The following TSPOAP1 variants were observed in gnomAD, a reference collection of about 807,000 sequenced individuals.
The protein encoded by TSPOAP1 is TSPO associated protein 1.
In TSPOAP1, 87 loss-of-function variants were observed where a neutral mutation model predicts 197.0. The observed-to-expected ratio is 0.44, with a 90% CI of 0.37 to 0.53. The LOEUF (loss-of-function observed/expected upper bound fraction) is 0.53. TSPOAP1 is among the 20% of genes least tolerant of loss of function. TSPOAP1 has a pLI of 0.00. For missense variants in TSPOAP1, 2,174 were observed against 2,411.3 expected, an observed-to-expected ratio of 0.90 and a Z score of 2.06; for synonymous variants, 913 against 998.9, an observed-to-expected ratio of 0.91 and a Z score of 1.62.
chr17:58,325,367 C>G, intron 4 of TSPOAP1, 167 bp downstream of exon 4: 2 of 840,020 alleles, frequency 2.4e-6, no homozygotes, highest in South Asian at 3.4e-5. Context: ...CATGGCTCCA[C>G]CCCCTTCTCC....
Position 58,320,118 on chromosome 17 carries a change from A to T in TSPOAP1, c.1485T>A (p.Asp495Glu). The change falls in exon 12 of 32, where the codon GAT (aspartate) becomes GAA (glutamate). Residue 495 changes from aspartate to glutamate, a missense_variant. By Grantham distance (45) the Asp-to-Glu change is conservative. Around this residue, in one of 5 missense-constraint regions of TSPOAP1, gnomAD observed 1,933 missense variants for 2,139.0 expected, o/e 0.90. Transcript: ENST00000343736. ...GAGAACGAGGCGCTACCTGCATGGAATCCAAGGTAGACTGTTGCAGGAAAG... is the reference window on the plus strand; with the variant it reads ...GAGAACGAGGCGCTACCTGCATGGATTCCAAGGTAGACTGTTGCAGGAAAG... ...GAVQLLESTLDSMQARVRELE... is the reference protein window; with the variant it reads ...GAVQLLESTLESMQARVRELE... The T allele has an allele frequency of 6.2e-7, 1 of 1,614,156 alleles. No individual in the cohort carries two copies. The highest frequency in any genetic ancestry group is 1.1e-5 in the South Asian group (1 of 91,082).
chr17:58,311,230 G>A lies in TSPOAP1; in HGVS notation c.3082-17C>T, dbSNP rs528345726. 9 of 1,607,612 alleles carry A rather than the reference G, an allele frequency of 5.6e-6. No individual in the cohort carries two copies. Among genetic ancestry groups the A allele is most frequent in the Middle Eastern group, 3.4e-4 (2 of 5,822 alleles). On this transcript the variant is annotated splice_polypyrimidine_tract_variant and intron_variant, in intron 18 of 31. Transcript: ENST00000343736. Reference sequence around the variant, plus strand: ...CTCCATGATCTGCAGGGTGGAGGGGGCACAGGATGGGAAGCAGAGGCTGAG... The same window carrying A: ...CTCCATGATCTGCAGGGTGGAGGGGACACAGGATGGGAAGCAGAGGCTGAG...
At position 58,318,368 on chromosome 17, in the gene TSPOAP1, C is replaced by T. The variant is rs1487979284; in HGVS notation, c.1784G>A (p.Arg595Gln). 5.0e-6 allele frequency: 8 copies of T among 1,614,120 alleles called. No homozygotes were observed. Among genetic ancestry groups the T allele is most frequent in the East Asian group, 4.5e-5 (2 of 44,872 alleles). ...PAPATLTGVP[R>Q]RTAKKAESLS... ...AGACTCTGCCTTCTTGGCTGTCCTT[C>T]GAGGGACCCCAGTGAGAGTGGCAGG... Residue 595 changes from arginine (R) to glutamine (Q), a missense_variant, in exon 14 of 32, where the codon CGA becomes CAA. Coordinates refer to ENST00000343736, the MANE Select transcript of TSPOAP1 (RefSeq NM_004758.4).
At chr17:58,305,729 C>G (rs905277007) in intron 27 of TSPOAP1, 86 bp from the exon 28 acceptor site, 2 of 1,491,266 alleles carry the variant, frequency 1.3e-6, no homozygotes, top group African/African-American at 2.7e-5. Flanking sequence ...CTGCTGACCC[C>G]CTGTCACCAC....
In TSPOAP1 at chr17:58,322,282, G is replaced by A; in HGVS notation, c.1422+26C>T. On this transcript the variant is annotated intron_variant, in intron 10 of 31. Transcript: ENST00000343736. The surrounding 1 kb of genome is among the most constrained non-coding windows in gnomAD (Gnocchi z 5.0). ...TGGCAAAGCTGGTGTCCAGCAGCCT[G>A]CCAGCTTCCCTCACTGCCGCCCCAC... The A allele has an allele frequency of 6.3e-7, 1 of 1,592,774 alleles. No homozygotes were observed. The highest frequency in any genetic ancestry group is 2.2e-5 in the East Asian group (1 of 44,812).
At chr17:58,315,093 A>G (rs1046562150) in intron 16 of TSPOAP1, among the ~76,000 whole-genome samples, 1 of 152,092 alleles carries the variant, frequency 6.6e-6, no homozygotes, top group Non-Finnish European at 1.5e-5. Context: ...CTTCATTTAT[A>G]AAGTATTATT....
At position 58,303,084 on chromosome 17, in the gene TSPOAP1, A is replaced by T. The variant is rs146157087; in HGVS notation, c.*33-637T>A. 6 of 152,464 alleles carry T rather than the reference A, an allele frequency of 3.9e-5. No individual in the cohort carries two copies. In the East Asian group the frequency reaches 1.2e-3, roughly 29 times the overall value. The allele number at this position is 152,464 out of a possible 1,614,324, so 9.4% of individuals were successfully genotyped here. A position where few individuals can be genotyped will look rare whatever the true frequency, so the allele number is the denominator to read the frequency against. ...GGGGGCATCACTCAGCCCCCACCAC[A>T]GGCTCTGGAGGCTCTAGCATCTTTT... On this transcript the variant is annotated intron_variant, in intron 31 of 31. Coordinates refer to ENST00000343736, the MANE Select transcript of TSPOAP1 (RefSeq NM_004758.4).
chr17:58,323,532 T>C lies in TSPOAP1; in HGVS notation c.956A>G (p.Glu319Gly), dbSNP rs146661221. The change falls in exon 6 of 32, where the codon GAG becomes GGG. Residue 319 changes from glutamate (E) to glycine (G), a missense_variant. By Grantham distance (98) the Glu-to-Gly change is moderately conservative (BLOSUM62 -2). Around this residue, in one of 5 missense-constraint regions of TSPOAP1, gnomAD observed 1,933 missense variants for 2,139.0 expected, o/e 0.90. Coordinates refer to ENST00000343736, the MANE Select transcript of TSPOAP1 (RefSeq NM_004758.4). Reference protein sequence around the residue: ...PGAPGEATPQEDADNLPVILG... With the variant: ...PGAPGEATPQGDADNLPVILG... Reference sequence around the variant, plus strand: ...AATCACGGGTAGGTTGTCCGCATCCTCCTGGGGCGTGGCCTGGAAATGCCC... The same window carrying C: ...AATCACGGGTAGGTTGTCCGCATCCCCCTGGGGCGTGGCCTGGAAATGCCC... 2.5e-6 allele frequency: 4 copies of C among 1,613,896 alleles called. No homozygotes were observed. The African/African-American group carries it at 5.3e-5, about 22-fold the overall frequency.
At chr17:58,314,829 C>G (rs568009186) in intron 16 of TSPOAP1, among the ~76,000 whole-genome samples, 2 of 152,352 alleles carry the variant, frequency 1.3e-5, no homozygotes, top group South Asian at 4.1e-4. Flanking sequence ...CGGAGTCAGG[C>G]ACATGCTCCA....
chr17:58,316,633 C>T (rs1971245365), intron 14 of TSPOAP1, 93 bp from the exon 15 acceptor site: 1 of 969,744 alleles, frequency 1.0e-6, no homozygotes, highest in Admixed American at 2.6e-5. Flanking sequence ...GGACCTATTG[C>T]TTTAAGGAGG....
rs760340215 is a variant in TSPOAP1, at chr17:58,310,057, CTCCTCT to C, written c.3795_3800del (p.Glu1273_Glu1274del). On this transcript the variant is annotated inframe_deletion, in exon 21 of 32. Coordinates refer to ENST00000343736, the MANE Select transcript of TSPOAP1 (RefSeq NM_004758.4). Reference sequence around the variant, plus strand: ...CCAGCTCCTCTTCCTCCTCCTCCTCCTCCTCTTCCTCTTCCTCCTGGATGTCTGACA... The same window carrying C: ...CCAGCTCCTCTTCCTCCTCCTCCTCCTCCTCTTCCTCCTGGATGTCTGACA... 6 of 1,613,540 alleles carry C rather than the reference CTCCTCT, an allele frequency of 3.7e-6. No individual in the cohort carries two copies. Among genetic ancestry groups the C allele is most frequent in the African/African-American group, 2.7e-5 (2 of 75,062 alleles).
rs537438400 is a variant in TSPOAP1 at position 58,328,634 on chromosome 17, G to A, written c.-714C>T. The A allele has an allele frequency of 2.3e-4, 35 of 153,738 alleles. No individual in the cohort carries two copies. In the South Asian group the frequency reaches 6.6e-3, roughly 29 times the overall value. 9.5% of individuals were successfully genotyped at this position (153,738 alleles called of 1,614,324 possible). A position where few individuals can be genotyped will look rare whatever the true frequency, so the allele number is the denominator to read the frequency against. On this transcript the variant is annotated 5_prime_UTR_variant, in exon 1 of 32. Transcript: ENST00000343736. The surrounding 1 kb of genome is among the most constrained non-coding windows in gnomAD (Gnocchi z 4.3). ...CTCTGCTCTCTGCTGCTGCTCTTTC[G>A]CTTGCTGGGTGGCTGGGCTGGTCCT...
At chr17:58,315,890 G>GGGATGGATGGATGGATGGAT (rs199737483) in intron 16 of TSPOAP1, 133 bp downstream of exon 16, 3 of 682,654 alleles carry the variant, frequency 4.4e-6, no homozygotes, top group Non-Finnish European at 7.7e-6. Flanking sequence ...CTGGGCAGAG[G>GGGATGGATGGATGGATGGAT]GGATGGATGG....
chr17:58,320,478 C>T (rs1598075214), intron 11 of TSPOAP1, 53 bp downstream of exon 11: 1 of 1,465,670 alleles, frequency 6.8e-7, no homozygotes, highest in South Asian at 1.4e-5. Flanking sequence ...TCTGGAGGAC[C>T]CCCGCCTTCC....
Position 58,302,155 on chromosome 17 carries a change from G to T in TSPOAP1, c.*325C>A. ...TTTGATTCCCTCTGAATGCCACAGT[G>T]TTAACGCAGAAGAACGGGGGCTCTG... On this transcript the variant is annotated 3_prime_UTR_variant, in exon 32 of 32. Coordinates refer to ENST00000343736, the MANE Select transcript of TSPOAP1 (RefSeq NM_004758.4). 2.0e-6 allele frequency: 2 copies of T among 992,958 alleles called. No individual in the cohort carries two copies. The highest frequency in any genetic ancestry group is 2.7e-6 in the Non-Finnish European group (2 of 753,082). 61.5% of individuals were successfully genotyped at this position (992,958 alleles called of 1,614,324 possible).
chr17:58,307,446 G>C lies in TSPOAP1; in HGVS notation c.4983+165C>G, dbSNP rs557409019. 3.2e-6 allele frequency: 3 copies of C among 932,902 alleles called. No homozygotes were observed. The East Asian group carries it at 8.0e-5, about 25-fold the overall frequency. The allele number at this position is 932,902 out of a possible 1,614,324, so 57.8% of individuals were successfully genotyped here. A position where few individuals can be genotyped will look rare whatever the true frequency, so the allele number is the denominator to read the frequency against. ...CAGGGGGCCTAGGTAATCTACTCAAGGTTACACAGCTAGAAGCAGCAGAGT... is the reference window on the plus strand; with the variant it reads ...CAGGGGGCCTAGGTAATCTACTCAACGTTACACAGCTAGAAGCAGCAGAGT... On this transcript the variant is annotated intron_variant, in intron 24 of 31. Coordinates refer to ENST00000343736, the MANE Select transcript of TSPOAP1 (RefSeq NM_004758.4).
chr17:58,303,997 A>G (rs1970793188), intron 31 of TSPOAP1: 2 of 219,542 alleles, frequency 9.1e-6, no homozygotes. Flanking sequence ...ACACAGTATC[A>G]TAATACCACT....
At chr17:58,317,815 T>G (rs908346615) in intron 14 of TSPOAP1, among the ~76,000 whole-genome samples, 4 of 152,164 alleles carry the variant, frequency 2.6e-5, no homozygotes, top group African/African-American at 9.7e-5. Flanking sequence ...CACAACAACC[T>G]TAGAAGGCAG....
In TSPOAP1 at chr17:58,316,489, G is replaced by A. The variant is rs756520121; in HGVS notation, c.1924C>T (p.Leu642Phe). ...CGGCTGCCCTCTGGCGCAGCTGGGAGCAGGGAGACACTGTCTGCCTCCAGC... is the reference window on the plus strand; with the variant it reads ...CGGCTGCCCTCTGGCGCAGCTGGGAACAGGGAGACACTGTCTGCCTCCAGC... ...EELEADSVSL[L>F]PAAPEGSRGG... The change falls in exon 15 of 32, where the codon CTC becomes TTC. Residue 642 changes from leucine (L) to phenylalanine (F), a missense_variant. By Grantham distance (22) the Leu-to-Phe change is conservative. This residue lies in a region of TSPOAP1 where 1,933 missense variants were observed against 2,139.0 expected (regional missense o/e 0.90). Coordinates refer to ENST00000343736, the MANE Select transcript of TSPOAP1 (RefSeq NM_004758.4). 3.4e-5 allele frequency: 55 copies of A among 1,613,584 alleles called. No homozygotes were observed. The highest frequency in any genetic ancestry group is 4.6e-5 in the Non-Finnish European group (54 of 1,179,752).
Sources: allele counts gnomAD v4.1 joint callset (sites outside exome capture counted in the v4.1 genomes callset), GRCh38; gene constraint gnomAD v4.1.1; regional missense constraint gnomAD v4.1.1; non-coding constraint Gnocchi (gnomAD v3.1); transcripts MANE v1.5; gene names NCBI Gene and HGNC (gene_info 2026-07-23, HGNC 2026-07-21).